The following EGFLAM variants were observed in gnomAD, a reference collection of about 807,000 sequenced individuals.
The protein encoded by EGFLAM is EGF like, fibronectin type III and laminin G domains.
EGFLAM carries 79 observed loss-of-function variants against 113.1 expected under a neutral mutation model. The ratio of observed to expected loss-of-function variants is 0.70; its 90% CI spans 0.58 to 0.84. The LOEUF is 0.84. Among genes scored for constraint, EGFLAM ranks in the 40% least tolerant of loss-of-function variants. The probability of loss-of-function intolerance (pLI) is 0.00; values close to 1 mark genes in which losing one functional copy is unlikely to be tolerated. For synonymous variants in EGFLAM, 504 were observed against 487.6 expected (o/e 1.03, Z -0.44); for missense variants, 1,265 against 1,291.6 (o/e 0.98, Z 0.32).
At chr5:38,411,204 C>T (rs555922562) in intron 10 of EGFLAM, among the ~76,000 whole-genome samples, 4 of 152,014 alleles carry the variant, frequency 2.6e-5, no homozygotes, top group Non-Finnish European at 5.9e-5. Flanking sequence ...CCAAGGTGGG[C>T]GGATCACGAG....
chr5:38,403,644 G>A, intron 6 of EGFLAM: 1 of 825,114 alleles, frequency 1.2e-6, no homozygotes. Context: ...GCAGGGCAGT[G>A]TGCTATTTCA....
chr5:38,368,740 A>G (rs539952161), intron 5 of EGFLAM, among the ~76,000 whole-genome samples: 3 of 152,182 alleles, frequency 2.0e-5, no homozygotes, highest in Admixed American at 6.5e-5. Flanking sequence ...TTCATCCAGT[A>G]TTAAGGGTCT....
intron 10 of EGFLAM, among the ~76,000 whole-genome samples, chr5:38,409,676 C>T (rs1741410204): frequency 6.6e-6 from 1 of 152,134 alleles, no homozygotes; most frequent in African/African-American, 2.4e-5. Flanking sequence ...AGGCTGGGGC[C>T]TTCTCATCTC....
At chr5:38,283,183 T>C (rs1315370246) in intron 1 of EGFLAM, among the ~76,000 whole-genome samples, 1 of 152,150 alleles carries the variant, frequency 6.6e-6, no homozygotes, top group Non-Finnish European at 1.5e-5. Context: ...CAGTACAGTC[T>C]ACAGTCTTTT....
At chr5:38,342,763 A>C (rs1217362518) in intron 3 of EGFLAM, among the ~76,000 whole-genome samples, 5 of 152,236 alleles carry the variant, frequency 3.3e-5, no homozygotes, top group African/African-American at 1.2e-4. Context: ...GCATGCCATC[A>C]GTTAAAAAAT....
At chr5:38,460,338 A>G (rs939304657) in intron 20 of EGFLAM, among the ~76,000 whole-genome samples, 1 of 152,228 alleles carries the variant, frequency 6.6e-6, no homozygotes, top group African/African-American at 2.4e-5. Flanking sequence ...GGCACTTCCT[A>G]GACATCTAAG....
chr5:38,396,138 A>T (rs893044453), intron 6 of EGFLAM, among the ~76,000 whole-genome samples: 5 of 151,694 alleles, frequency 3.3e-5, no homozygotes, highest in Non-Finnish European at 5.9e-5. Flanking sequence ...AACACCAATG[A>T]TCCACATTTT....
At position 38,356,807 on chromosome 5, in the gene EGFLAM, C is replaced by G. The variant is rs527565289; in HGVS notation, c.545+4476C>G. On this transcript the variant is annotated intron_variant, in intron 5 of 21. Transcript: ENST00000322350. ...CATTATAGGTGAGTGAATGTATGTT[C>G]AGAGAGAGCTTTCCTGGGCTCTAAT... Among the ~76,000 whole-genome samples the G allele has an allele frequency of 2.6e-5, 4 of 152,322 alleles. No individual in the cohort carries two copies. The South Asian group carries it at 8.3e-4, about 32-fold the overall frequency.
chr5:38,331,420 T>C (rs1180021253), intron 1 of EGFLAM, among the ~76,000 whole-genome samples: 1 of 152,206 alleles, frequency 6.6e-6, no homozygotes, highest in East Asian at 1.9e-4. Flanking sequence ...TCTCTCCTAA[T>C]ACCTGGCAAC....
chr5:38,404,679 G>A (rs1741222815), intron 6 of EGFLAM, among the ~76,000 whole-genome samples: 1 of 152,040 alleles, frequency 6.6e-6, no homozygotes. Flanking sequence ...CCAAACACTG[G>A]ATGTCTAATA....
At chr5:38,405,281 T>C (rs1349604968) in intron 6 of EGFLAM, among the ~76,000 whole-genome samples, 4 of 152,192 alleles carry the variant, frequency 2.6e-5, no homozygotes, top group African/African-American at 7.2e-5. Context: ...AAGGCCCCTG[T>C]GAATCACACC....
At chr5:38,349,177 T>C (rs1463645128) in intron 3 of EGFLAM, among the ~76,000 whole-genome samples, 1 of 152,236 alleles carries the variant, frequency 6.6e-6, no homozygotes, top group Non-Finnish European at 1.5e-5. Flanking sequence ...TGGTCCCTGC[T>C]TTCAAGTTGC....
At chr5:38,296,645 A>G (rs939684531) in intron 1 of EGFLAM, among the ~76,000 whole-genome samples, 2 of 152,102 alleles carry the variant, frequency 1.3e-5, no homozygotes, top group Admixed American at 6.6e-5. Context: ...ATAATACCAC[A>G]GTAGTCTGCA....
intron 1 of EGFLAM, among the ~76,000 whole-genome samples, chr5:38,288,883 C>T (rs1362847857): frequency 6.6e-6 from 1 of 151,870 alleles, no homozygotes; most frequent in African/African-American, 2.4e-5. Context: ...GTAGGGAAAG[C>T]ACTGTGTTAT....
At chr5:38,423,983 G>A (rs957087069) in intron 12 of EGFLAM, among the ~76,000 whole-genome samples, 22 of 152,142 alleles carry the variant, frequency 1.4e-4, no homozygotes, top group African/African-American at 5.3e-4. Flanking sequence ...TCACAGGGTG[G>A]GCTACCAGCT....
chr5:38,403,879 A>T (rs763489407), intron 6 of EGFLAM: 16 of 1,613,806 alleles, frequency 9.9e-6, no homozygotes, highest in Non-Finnish European at 1.4e-5. Flanking sequence ...GGCTTGAGAG[A>T]ACATGCATCC....
At chr5:38,354,218 T>C (rs1253653385) in intron 5 of EGFLAM, among the ~76,000 whole-genome samples, 2 of 152,014 alleles carry the variant, frequency 1.3e-5, no homozygotes, top group Non-Finnish European at 2.9e-5. Context: ...GCCCCTGCCA[T>C]TGAACAGATT....
intron 6 of EGFLAM, among the ~76,000 whole-genome samples, chr5:38,384,267 C>A (rs545299413): frequency 6.6e-6 from 1 of 152,244 alleles, no homozygotes; most frequent in African/African-American, 2.4e-5. Flanking sequence ...CCACAATTTT[C>A]GGATAAGGAA....
In EGFLAM at chr5:38,337,624, T is replaced by C. The variant is rs1227303427; in HGVS notation, c.202T>C (p.Tyr68His). The C allele has an allele frequency of 1.7e-5, 27 of 1,597,748 alleles. No homozygotes were observed. The East Asian group carries it at 6.1e-4, about 36-fold the overall frequency. Residue 68 changes from tyrosine to histidine, a missense_variant, in exon 2 of 22, where the codon TAC becomes CAC. Physicochemically the swap from Tyr to His is moderately conservative, Grantham distance 83. Coordinates refer to ENST00000322350, the MANE Select transcript of EGFLAM (RefSeq NM_152403.4). ...PRHPGSPILG[Y>H]TVFYSEVGAD... ...GCATCCTGGAAGTCCCATCCTTGGGTACACTGTGAGTACACGGGCATGGGA... is the reference window on the plus strand; with the variant it reads ...GCATCCTGGAAGTCCCATCCTTGGGCACACTGTGAGTACACGGGCATGGGA...
Sources: allele counts gnomAD v4.1 joint callset (sites outside exome capture counted in the v4.1 genomes callset), GRCh38; gene constraint gnomAD v4.1.1; transcripts MANE v1.5; gene names NCBI Gene and HGNC (gene_info 2026-07-23, HGNC 2026-07-21).